CCDC50: variants seen among roughly 807,000 people sequenced by gnomAD.
CCDC50 encodes coiled-coil domain-containing protein 50.
Under a neutral mutation model 70.2 loss-of-function variants are expected in CCDC50, and 54 were observed. That is an observed-to-expected ratio of 0.77 (90% CI 0.62 to 0.96). CCDC50 has a LOEUF of 0.96. CCDC50 is among the 50% of genes least tolerant of loss of function. CCDC50 has a pLI of 0.00. For missense variants in CCDC50, 558 were observed against 578.7 expected, an observed-to-expected ratio of 0.96 and a Z score of 0.37; for synonymous variants, 216 against 198.8, an observed-to-expected ratio of 1.09 and a Z score of -0.73.
chr3:191,373,375 CTAAAAG>C (rs1243561149), intron 5 of CCDC50, among the ~76,000 whole-genome samples: 4 of 152,080 alleles, frequency 2.6e-5, no homozygotes, highest in Admixed American at 2.0e-4. Context: ...AGCATATTTC[CTAAAAG>C]TAAAACTATG....
intron 11 of CCDC50, 31 bp downstream of exon 11, chr3:191,389,633 ATCT>A (rs1560173671): frequency 1.3e-6 from 2 of 1,523,764 alleles, no homozygotes; most frequent in Admixed American, 1.7e-5. Flanking sequence ...CAAGTTTAGG[ATCT>A]TCTTTTTTTA....
chr3:191,334,918 T>A (rs1348545557), intron 1 of CCDC50, among the ~76,000 whole-genome samples: 2 of 152,162 alleles, frequency 1.3e-5, no homozygotes, highest in African/African-American at 4.8e-5. Context: ...GCAAATGAAT[T>A]ACTGAGTGAA....
Position 191,398,587 on chromosome 3 carries a change from C to G in CCDC50, c.*6827C>G, listed in dbSNP as rs1713936771. 1 of 152,138 alleles carries G rather than the reference C, an allele frequency of 6.6e-6. No individual in the cohort carries two copies. The highest frequency in any genetic ancestry group is 1.5e-5 in the Non-Finnish European group (1 of 68,026). 9.4% of individuals were successfully genotyped at this position (152,138 alleles called of 1,614,324 possible). A position where few individuals can be genotyped will look rare whatever the true frequency, so the allele number is the denominator to read the frequency against. On this transcript the variant is annotated 3_prime_UTR_variant, in exon 12 of 12. Transcript: ENST00000392455. Reference sequence around the variant, plus strand: ...TTTTTTCTTACTCCATTTCCATACACTTTCTGTAAATATGTATAACATGAT... The same window carrying G: ...TTTTTTCTTACTCCATTTCCATACAGTTTCTGTAAATATGTATAACATGAT...
At chr3:191,367,378 G>C (rs2108656678) in intron 4 of CCDC50, among the ~76,000 whole-genome samples, 1 of 152,142 alleles carries the variant, frequency 6.6e-6, no homozygotes, top group East Asian at 1.9e-4. Flanking sequence ...TTAAGACTTT[G>C]ATGGAAAAAC....
At chr3:191,360,957 G>A (rs1378229281) in intron 3 of CCDC50, 112 bp from the exon 4 acceptor site, 2 of 757,452 alleles carry the variant, frequency 2.6e-6, no homozygotes, top group Non-Finnish European at 4.5e-6. Context: ...GATAAAGTGA[G>A]AAAAATAATG....
intron 1 of CCDC50, 68 bp downstream of exon 1, chr3:191,329,791 G>A: frequency 6.5e-7 from 1 of 1,541,878 alleles, no homozygotes; most frequent in Non-Finnish European, 8.8e-7. Context: ...CTCAGGTCAG[G>A]GGCGTTGCCA....
At chr3:191,369,860 A>C in intron 4 of CCDC50, 59 bp from the exon 5 acceptor site, 1 of 1,212,200 alleles carries the variant, frequency 8.2e-7, no homozygotes, top group Non-Finnish European at 1.2e-6. Context: ...AAGCCCCACC[A>C]TATGGAGTTT....
At chr3:191,355,762 C>T (rs1712257202) in intron 1 of CCDC50, among the ~76,000 whole-genome samples, 1 of 152,180 alleles carries the variant, frequency 6.6e-6, no homozygotes, top group Admixed American at 6.5e-5. Context: ...GTTCGAATTA[C>T]TGGTTTTGCT....
chr3:191,341,284 C>T (rs1304170787), intron 1 of CCDC50, among the ~76,000 whole-genome samples: 1 of 152,152 alleles, frequency 6.6e-6, no homozygotes, highest in Non-Finnish European at 1.5e-5. Context: ...ATTTATTGAG[C>T]TGCTGCTTAG....
In CCDC50 at chr3:191,393,164, T is replaced by C. The variant is rs150531940; in HGVS notation, c.*1404T>C. ...GTAGCTGCTAACCTTACTGCAATATTTATTTTCCCTTATTTTCCCATACTA... is the reference window on the plus strand; with the variant it reads ...GTAGCTGCTAACCTTACTGCAATATCTATTTTCCCTTATTTTCCCATACTA... On this transcript the variant is annotated 3_prime_UTR_variant, in exon 12 of 12. Transcript: ENST00000392455. 2.7e-4 allele frequency: 41 copies of C among 152,332 alleles called. No individual in the cohort carries two copies. The highest frequency in any genetic ancestry group is 9.4e-4 in the African/African-American group (39 of 41,552). 9.4% of individuals were successfully genotyped at this position (152,332 alleles called of 1,614,324 possible).
intron 1 of CCDC50, among the ~76,000 whole-genome samples, chr3:191,330,721 CTTGT>C (rs1161477987): frequency 1.3e-5 from 2 of 152,166 alleles, no homozygotes; most frequent in Non-Finnish European, 2.9e-5. Context: ...CTTGGAACCG[CTTGT>C]TTTATTGCCA....
chr3:191,382,682 T>C (rs373102139), intron 9 of CCDC50, 64 bp from the exon 10 acceptor site: 16 of 1,046,330 alleles, frequency 1.5e-5, no homozygotes, highest in East Asian at 1.2e-4. Context: ...TTTCCCTTTG[T>C]TTGATGATTC....
intron 1 of CCDC50, among the ~76,000 whole-genome samples, chr3:191,344,861 G>A (rs922093534): frequency 1.3e-5 from 2 of 152,200 alleles, no homozygotes; most frequent in African/African-American, 4.8e-5. Flanking sequence ...TTACAGGCGT[G>A]AGCCACCATG....
At chr3:191,391,121 T>G (rs293842) in intron 11 of CCDC50, among the ~76,000 whole-genome samples, 64,223 of 148,836 alleles carry the variant, frequency 0.43, 15,247 homozygotes, top group Non-Finnish European at 0.54. Context: ...AAATATATTA[T>G]ATCTCATTAA....
chr3:191,386,160 G>A (rs147068925), intron 10 of CCDC50, among the ~76,000 whole-genome samples: 59 of 150,622 alleles, frequency 3.9e-4, no homozygotes, highest in Middle Eastern at 3.5e-3. Flanking sequence ...AAAAAGTGAC[G>A]TTGGTAATTT....
intron 1 of CCDC50, among the ~76,000 whole-genome samples, chr3:191,340,680 T>C (rs1576949228): frequency 6.6e-6 from 1 of 152,204 alleles, no homozygotes; most frequent in Non-Finnish European, 1.5e-5. Flanking sequence ...TTATTAAACA[T>C]TTTAGACATT....
At chr3:191,332,682 T>A (rs1264254679) in intron 1 of CCDC50, among the ~76,000 whole-genome samples, 3 of 152,224 alleles carry the variant, frequency 2.0e-5, no homozygotes, top group Non-Finnish European at 4.4e-5. Flanking sequence ...AAACATATTT[T>A]TGTAAAAAAC....
In CCDC50 at chr3:191,329,458, G is replaced by C. The variant is rs1717864769; in HGVS notation, c.-217G>C. On this transcript the variant is annotated 5_prime_UTR_variant, in exon 1 of 12. Transcript: ENST00000392455. ...GGACGCGGAGCAGGTGGCCGCGGCG[G>C]GGCAGCTGGGCCGCCAGCTTGGTGC... 1 of 469,450 alleles carries C rather than the reference G, an allele frequency of 2.1e-6. No individual in the cohort carries two copies. The allele number at this position is 469,450 out of a possible 1,614,324, so 29.1% of individuals were successfully genotyped here. A position where few individuals can be genotyped will look rare whatever the true frequency, so the allele number is the denominator to read the frequency against.
intron 6 of CCDC50, among the ~76,000 whole-genome samples, chr3:191,377,104 C>T (rs1160122961): frequency 6.6e-6 from 1 of 152,142 alleles, no homozygotes; most frequent in Non-Finnish European, 1.5e-5. Flanking sequence ...ACAATGTTAC[C>T]AGGCGGATAT....
Sources: gnomAD v4.1 joint callset for allele counts (sites outside exome capture counted in the v4.1 genomes callset) on GRCh38, gnomAD v4.1.1 for gene constraint, MANE v1.5 for transcripts, NCBI Gene and HGNC (gene_info 2026-07-23, HGNC 2026-07-21) for gene names.